TMEM74: variants seen among roughly 807,000 people sequenced by gnomAD.
TMEM74 encodes the protein transmembrane protein 74.
Under a neutral mutation model 18.1 loss-of-function variants are expected in TMEM74, and 13 were observed. That is an observed-to-expected ratio of 0.72 (90% CI 0.47 to 1.14). The LOEUF (loss-of-function observed/expected upper bound fraction) is 1.14. Among genes scored for constraint, TMEM74 ranks in the 50% most tolerant of loss-of-function variants. The pLI, the probability that TMEM74 is intolerant of heterozygous loss-of-function variation, is 0.00. For synonymous variants in TMEM74, 159 were observed against 146.6 expected (o/e 1.08, Z -0.61); for missense variants, 372 against 375.9 (o/e 0.99, Z 0.09).
intron 2 of TMEM74, among the ~76,000 whole-genome samples, chr8:108,644,808 C>G (rs1812700972): frequency 6.6e-6 from 1 of 152,040 alleles, no homozygotes; most frequent in Non-Finnish European, 1.5e-5. Flanking sequence ...GAGGTAAAAC[C>G]TCACACCAGT....
intron 1 of TMEM74, among the ~76,000 whole-genome samples, chr8:108,726,812 T>TA (rs11291043): frequency 2.3e-4 from 34 of 149,256 alleles, no homozygotes; most frequent in Non-Finnish European, 3.1e-4. Context: ...AATAAACAAT[T>TA]AAAAAAAAAA....
chr8:108,647,708 T>A (rs1269629023), intron 2 of TMEM74, among the ~76,000 whole-genome samples: 3 of 152,110 alleles, frequency 2.0e-5, no homozygotes, highest in Non-Finnish European at 4.4e-5. Context: ...CATTGCTAAG[T>A]CACAGAGAAA....
intron 1 of TMEM74, among the ~76,000 whole-genome samples, chr8:108,786,188 T>C (rs866721051): frequency 1.1e-4 from 17 of 152,296 alleles, no homozygotes; most frequent in African/African-American, 4.1e-4. Flanking sequence ...CAAGGTTACC[T>C]CTGTAATTTT....
At chr8:108,744,718 G>GAAC (rs754955656) in intron 1 of TMEM74, among the ~76,000 whole-genome samples, 9 of 152,180 alleles carry the variant, frequency 5.9e-5, no homozygotes, top group Non-Finnish European at 8.8e-5. Context: ...GGGTGGAAAT[G>GAAC]AACAGGCTTT....
intron 1 of TMEM74, among the ~76,000 whole-genome samples, chr8:108,741,282 T>C (rs1459980287): frequency 1.3e-5 from 2 of 152,242 alleles, no homozygotes; most frequent in Admixed American, 1.3e-4. Flanking sequence ...TAGGTGATTT[T>C]AATATAAAAG....
At chr8:108,756,599 A>AAAGAAAGAAAGAGAAAGGGAGG (rs1586286218) in intron 1 of TMEM74, among the ~76,000 whole-genome samples, 3 of 51,550 alleles carry the variant, frequency 5.8e-5, no homozygotes, top group Non-Finnish European at 7.2e-5. Context: ...AAAGAAAGAG[A>AAAGAAAGAAAGAGAAAGGGAGG]AAGGAAGGAA....
chr8:108,764,956 T>C (rs1814086264), intron 1 of TMEM74, among the ~76,000 whole-genome samples: 1 of 152,154 alleles, frequency 6.6e-6, no homozygotes, highest in Non-Finnish European at 1.5e-5. Flanking sequence ...TTATCAGTCT[T>C]CATCCACTCG....
At chr8:108,679,163 T>C (rs1813087278) in intron 1 of TMEM74, among the ~76,000 whole-genome samples, 1 of 152,120 alleles carries the variant, frequency 6.6e-6, no homozygotes, top group Non-Finnish European at 1.5e-5. Flanking sequence ...GACATTTGGG[T>C]TGGTTCCAAG....
At chr8:108,694,409 G>GA (rs1762010690) in intron 1 of TMEM74, among the ~76,000 whole-genome samples, 1 of 151,644 alleles carries the variant, frequency 6.6e-6, no homozygotes, top group South Asian at 2.1e-4. Flanking sequence ...CATGCTGAGT[G>GA]AAAAAAAACC....
chr8:108,619,736 C>T (rs1447590694), intron 2 of TMEM74, among the ~76,000 whole-genome samples: 2 of 152,182 alleles, frequency 1.3e-5, no homozygotes, highest in African/African-American at 4.8e-5. Context: ...TATATGCATG[C>T]TTCTGTAATT....
chr8:108,627,591 A>C (rs1475907024), intron 2 of TMEM74, among the ~76,000 whole-genome samples: 1 of 152,054 alleles, frequency 6.6e-6, no homozygotes, highest in Non-Finnish European at 1.5e-5. Flanking sequence ...TCTGTACTCA[A>C]GAAAGTACAT....
intron 1 of TMEM74, among the ~76,000 whole-genome samples, chr8:108,716,301 T>A (rs759584529): frequency 6.6e-6 from 1 of 152,072 alleles, no homozygotes; most frequent in Non-Finnish European, 1.5e-5. Flanking sequence ...CCTAATAAAA[T>A]GAAATATTAG....
At chr8:108,728,229 A>G (rs1306820541) in intron 1 of TMEM74, among the ~76,000 whole-genome samples, 1 of 152,202 alleles carries the variant, frequency 6.6e-6, no homozygotes, top group Non-Finnish European at 1.5e-5. Context: ...AATAAATAGC[A>G]TATGCTTGTA....
chr8:108,647,949 C>A (rs1497623), intron 2 of TMEM74, among the ~76,000 whole-genome samples: 3 of 151,930 alleles, frequency 2.0e-5, no homozygotes, highest in Non-Finnish European at 4.4e-5. Flanking sequence ...AAGGGGTAAA[C>A]AATTTGGCCA....
chr8:108,706,970 T>A (rs1813422047), intron 1 of TMEM74, among the ~76,000 whole-genome samples: 1 of 152,036 alleles, frequency 6.6e-6, no homozygotes, highest in Non-Finnish European at 1.5e-5. Flanking sequence ...CGCCTTGAAG[T>A]ATTACCTTCT....
At chr8:108,656,577 A>T (rs982340660) in intron 1 of TMEM74, among the ~76,000 whole-genome samples, 1 of 152,168 alleles carries the variant, frequency 6.6e-6, no homozygotes, top group Non-Finnish European at 1.5e-5. Context: ...TTCAGATAGA[A>T]ATCTTCCTAT....
chr8:108,654,359 T>C (rs1056322476), intron 2 of TMEM74, among the ~76,000 whole-genome samples: 13 of 152,180 alleles, frequency 8.5e-5, no homozygotes, highest in Admixed American at 3.3e-4. Context: ...GAAATACTTT[T>C]CATATAGGGT....
intron 1 of TMEM74, among the ~76,000 whole-genome samples, chr8:108,755,240 C>G (rs1189032766): frequency 6.6e-6 from 1 of 152,088 alleles, no homozygotes; most frequent in Non-Finnish European, 1.5e-5. Flanking sequence ...AGGCTTGAAG[C>G]AGATTCCTCC....
intron 1 of TMEM74, among the ~76,000 whole-genome samples, chr8:108,666,862 A>G (rs1812954027): frequency 6.6e-6 from 1 of 152,138 alleles, no homozygotes; most frequent in South Asian, 2.1e-4. Context: ...AATTCAGCCC[A>G]AGTGGCACTT....
Sources: allele counts gnomAD v4.1 joint callset (sites outside exome capture counted in the v4.1 genomes callset), GRCh38; gene constraint gnomAD v4.1.1; transcripts MANE v1.5; gene names NCBI Gene and HGNC (gene_info 2026-07-23, HGNC 2026-07-21).